The following ST6GAL1 variants were observed in gnomAD, a reference collection of about 807,000 sequenced individuals.
The protein encoded by ST6GAL1 is ST6 beta-galactoside alpha-2,6-sialyltransferase 1.
Under a neutral mutation model 38.0 loss-of-function variants are expected in ST6GAL1, and 20 were observed. That is an observed-to-expected ratio of 0.53 (90% CI 0.37 to 0.77). The LOEUF is 0.77. ST6GAL1 is among the 30% of genes least tolerant of loss of function. The probability of loss-of-function intolerance (pLI) is 0.00; values close to 1 mark genes in which losing one functional copy is unlikely to be tolerated. For missense variants in ST6GAL1, 432 were observed against 496.4 expected, an observed-to-expected ratio of 0.87 and a Z score of 1.23; for synonymous variants, 196 against 188.2, an observed-to-expected ratio of 1.04 and a Z score of -0.34.
At chr3:186,989,544 T>C (rs1716079607) in intron 2 of ST6GAL1, among the ~76,000 whole-genome samples, 1 of 152,130 alleles carries the variant, frequency 6.6e-6, no homozygotes, top group African/African-American at 2.4e-5. Flanking sequence ...CTAGCTGTGA[T>C]GGTGTGTTGC....
At position 186,981,529 on chromosome 3, in the gene ST6GAL1, C is replaced by G. The variant is rs573503641; in HGVS notation, c.-183+17603C>G. Among the ~76,000 whole-genome samples, 6 of 152,346 alleles carry G rather than the reference C, an allele frequency of 3.9e-5. No homozygotes were observed. The South Asian group carries it at 8.3e-4, about 21-fold the overall frequency. ...CTGCATGAAGTCTTCTCTGTAGCTT[C>G]AGAGCATCTAGATCCGCTGTCATGC... On this transcript the variant is annotated intron_variant, in intron 2 of 7. Transcript: ENST00000169298.
Position 186,966,207 on chromosome 3 carries a change from G to T in ST6GAL1, c.-183+2281G>T, listed in dbSNP as rs1715108147. On this transcript the variant is annotated intron_variant, in intron 2 of 7. Coordinates refer to ENST00000169298, the MANE Select transcript of ST6GAL1 (RefSeq NM_173216.2). ...GAGCCATCGTGCCCGACCTAACTGA[G>T]ATCTTATTCTGAGAATCTTTAGATC... is the stretch of plus-strand genomic sequence containing the variant. Among the ~76,000 whole-genome samples the T allele has an allele frequency of 2.6e-5, 4 of 152,160 alleles. 1 individual carries two copies. The South Asian group carries it at 8.3e-4, about 32-fold the overall frequency.
intron 1 of ST6GAL1, among the ~76,000 whole-genome samples, chr3:186,959,821 T>A (rs1054167501): frequency 3.9e-5 from 6 of 152,232 alleles, no homozygotes; most frequent in African/African-American, 1.4e-4. Flanking sequence ...TTATTTCACT[T>A]CCATATTCAA....
intron 2 of ST6GAL1, among the ~76,000 whole-genome samples, chr3:187,007,234 C>T (rs1320596481): frequency 6.6e-6 from 1 of 152,122 alleles, no homozygotes; most frequent in African/African-American, 2.4e-5. Flanking sequence ...GGAAAAGCCA[C>T]TGGAAGCCAG....
chr3:187,016,360 C>A (rs1476975033), intron 2 of ST6GAL1, among the ~76,000 whole-genome samples: 1 of 152,078 alleles, frequency 6.6e-6, no homozygotes, highest in Admixed American at 6.6e-5. Flanking sequence ...ATAAGTTTCC[C>A]ACACGCAGCA....
In ST6GAL1 at chr3:186,939,316, T is replaced by C. The variant is rs546106880; in HGVS notation, c.-325+8482T>C. 2.0e-5 allele frequency among the ~76,000 whole-genome samples: 3 copies of C among 152,194 alleles called. No individual in the cohort carries two copies. In the South Asian group the frequency reaches 6.2e-4, roughly 32 times the overall value. On this transcript the variant is annotated intron_variant, in intron 1 of 7. Transcript: ENST00000169298. ...TTGAACTCCTGGGCTCAACCGATCC[T>C]CCTGCCTTGGCCTCCCAAAGTGCTG...
chr3:187,061,641 G>T (rs1174228704), intron 5 of ST6GAL1, among the ~76,000 whole-genome samples: 1 of 152,160 alleles, frequency 6.6e-6, no homozygotes, highest in Non-Finnish European at 1.5e-5. Flanking sequence ...TTTAAGAAAT[G>T]ATACTGGGAA....
At chr3:187,005,010 A>G (rs888467125) in intron 2 of ST6GAL1, among the ~76,000 whole-genome samples, 4 of 152,098 alleles carry the variant, frequency 2.6e-5, no homozygotes, top group Admixed American at 6.5e-5. Flanking sequence ...AAGTCTTACA[A>G]ACGTTTTTGA....
intron 1 of ST6GAL1, among the ~76,000 whole-genome samples, chr3:186,957,568 T>C (rs1400477476): frequency 2.0e-5 from 3 of 151,786 alleles, no homozygotes; most frequent in African/African-American, 7.3e-5. Context: ...AAAGAAATAA[T>C]ACAAGAAAAA....
intron 5 of ST6GAL1, among the ~76,000 whole-genome samples, chr3:187,054,939 G>T (rs1718641358): frequency 6.6e-6 from 1 of 152,030 alleles, no homozygotes; most frequent in Admixed American, 6.6e-5. Context: ...ACTTTTTTTG[G>T]TTGGTTAGGC....
intron 2 of ST6GAL1, among the ~76,000 whole-genome samples, chr3:187,011,503 G>A (rs1478685958): frequency 6.6e-6 from 1 of 152,124 alleles, no homozygotes; most frequent in African/African-American, 2.4e-5. Context: ...AAATGCCTGG[G>A]GTGCAATGGT....
At chr3:186,939,167 C>T (rs1216033538) in intron 1 of ST6GAL1, among the ~76,000 whole-genome samples, 2 of 151,844 alleles carry the variant, frequency 1.3e-5, no homozygotes, top group African/African-American at 2.4e-5. Flanking sequence ...TCTGACCTCC[C>T]AGGCACAAGC....
At chr3:186,944,561 A>G (rs532186037) in intron 1 of ST6GAL1, among the ~76,000 whole-genome samples, 17 of 152,354 alleles carry the variant, frequency 1.1e-4, no homozygotes, top group Middle Eastern at 3.4e-3. Flanking sequence ...AAACTACTCA[A>G]TGAAATAAAA....
At chr3:186,956,077 C>T (rs575623050) in intron 1 of ST6GAL1, among the ~76,000 whole-genome samples, 4 of 152,148 alleles carry the variant, frequency 2.6e-5, no homozygotes, top group Admixed American at 2.0e-4. Context: ...GTCGTTAGAT[C>T]GTCTCTCTGT....
At chr3:186,931,879 G>A (rs1713768477) in intron 1 of ST6GAL1, among the ~76,000 whole-genome samples, 1 of 152,220 alleles carries the variant, frequency 6.6e-6, no homozygotes, top group African/African-American at 2.4e-5. Flanking sequence ...GAAATTCCGA[G>A]GTCCGGAAAA....
At chr3:187,020,634 G>A (rs1717264976) in intron 2 of ST6GAL1, among the ~76,000 whole-genome samples, 1 of 152,156 alleles carries the variant, frequency 6.6e-6, no homozygotes, top group South Asian at 2.1e-4. Context: ...CCCTCTACTT[G>A]CAACCCTCTT....
chr3:186,993,249 G>T (rs2108547010), intron 2 of ST6GAL1, among the ~76,000 whole-genome samples: 1 of 152,356 alleles, frequency 6.6e-6, no homozygotes, highest in African/African-American at 2.4e-5. Flanking sequence ...TGGCCCTTGG[G>T]CTGAGCACAT....
At chr3:186,988,561 G>A (rs1274559223) in intron 2 of ST6GAL1, among the ~76,000 whole-genome samples, 1 of 147,568 alleles carries the variant, frequency 6.8e-6, no homozygotes, top group Non-Finnish European at 1.5e-5. Flanking sequence ...TGTGTGTTTT[G>A]GGGTGGGGGG....
chr3:186,932,600 AG>A (rs1713799264), intron 1 of ST6GAL1, among the ~76,000 whole-genome samples: 2 of 152,216 alleles, frequency 1.3e-5, no homozygotes, highest in Admixed American at 1.3e-4. Flanking sequence ...ACGGAGACTC[AG>A]ATGTTTTGCC....
Sources: allele counts gnomAD v4.1 joint callset (sites outside exome capture counted in the v4.1 genomes callset), GRCh38; gene constraint gnomAD v4.1.1; transcripts MANE v1.5; gene names NCBI Gene and HGNC (gene_info 2026-07-23, HGNC 2026-07-21).